Variants in NGLY1 observed in about 807,000 individuals in gnomAD.
NGLY1 encodes N-glycanase 1.
NGLY1 carries 68 observed loss-of-function variants against 84.6 expected under a neutral mutation model. The ratio of observed to expected loss-of-function variants is 0.80; its 90% CI spans 0.66 to 0.98. The LOEUF (loss-of-function observed/expected upper bound fraction) is 0.98. NGLY1 is among the 50% of genes least tolerant of loss of function. The probability of loss-of-function intolerance (pLI) is 0.00; values close to 1 mark genes in which losing one functional copy is unlikely to be tolerated. For missense variants in NGLY1, 779 were observed against 770.2 expected, an observed-to-expected ratio of 1.01 and a Z score of -0.14; for synonymous variants, 280 against 275.2, an observed-to-expected ratio of 1.02 and a Z score of -0.17.
At chr3:25,780,500 C>T (rs550621688) in intron 1 of NGLY1, among the ~76,000 whole-genome samples, 41 of 152,306 alleles carry the variant, frequency 2.7e-4, no homozygotes, top group African/African-American at 9.6e-4. Flanking sequence ...TTAATCTATT[C>T]TTTTCCTCAC....
intron 10 of NGLY1, among the ~76,000 whole-genome samples, chr3:25,720,601 T>C (rs931910752): frequency 1.5e-4 from 23 of 152,212 alleles, no homozygotes; most frequent in African/African-American, 5.3e-4. Context: ...TACGCTTTCC[T>C]AGTGTGACAT....
At position 25,783,066 on chromosome 3, in the gene NGLY1, G is replaced by A; in HGVS notation, c.131+194C>T. 2 of 544,786 alleles carry A rather than the reference G, an allele frequency of 3.7e-6. No individual in the cohort carries two copies. The highest frequency in any genetic ancestry group is 4.9e-4 in the Middle Eastern group (1 of 2,054). The allele number at this position is 544,786 out of a possible 1,614,324, so 33.7% of individuals were successfully genotyped here. A position where few individuals can be genotyped will look rare whatever the true frequency, so the allele number is the denominator to read the frequency against. On this transcript the variant is annotated intron_variant, in intron 1 of 11. Transcript: ENST00000280700. This position sits in a 1 kb window ranked among gnomAD's most constrained non-coding sequence, Gnocchi z 4.5. ...AAAGAAACTTCCTTTTCTCGAGCGG[G>A]GGTGGGACTTGGCCGGGTCCCGAGG...
rs1296526275 is a variant in NGLY1 at position 25,735,661 on chromosome 3, T to G, written c.1149+343A>C. 4.1e-5 allele frequency: 7 copies of G among 171,740 alleles called. No homozygotes were observed. In the South Asian group the frequency reaches 1.1e-3, roughly 27 times the overall value. The allele number at this position is 171,740 out of a possible 1,614,324, so 10.6% of individuals were successfully genotyped here. ...AGTTGTATGTATATCTACCATATAA[T>G]GCAGCCATTCTACTCCTAGGCATTA... On this transcript the variant is annotated intron_variant, in intron 7 of 11. Transcript: ENST00000280700.
rs576347248 is a variant in NGLY1 at position 25,762,043 on chromosome 3, A to T, written c.492+2023T>A. Among the ~76,000 whole-genome samples, 10 of 152,284 alleles carry T rather than the reference A, an allele frequency of 6.6e-5. No homozygotes were observed. The East Asian group carries it at 1.9e-3, about 29-fold the overall frequency. On this transcript the variant is annotated intron_variant, in intron 3 of 11. Transcript: ENST00000280700. The stretch of plus-strand genomic sequence containing the variant: ...TCACCACCACTATCATCATTTATTG[A>T]GTATCAATATATTCCAGTATTTTGT...
At position 25,768,977 on chromosome 3, in the gene NGLY1, T is replaced by C. The variant is rs143312155; in HGVS notation, c.247-4666A>G. Among the ~76,000 whole-genome samples the C allele has an allele frequency of 2.7e-3, 413 of 152,214 alleles. 2 individuals are homozygous for C. Among genetic ancestry groups the C allele is most frequent in the African/African-American group, 8.9e-3 (371 of 41,528 alleles). Reference sequence around the variant, plus strand: ...ACACTAGAAAGTGAAAGAAAATATGTGCAAACTATTCAAATGACAAGGGAT... The same window carrying C: ...ACACTAGAAAGTGAAAGAAAATATGCGCAAACTATTCAAATGACAAGGGAT... On this transcript the variant is annotated intron_variant, in intron 2 of 11. Transcript: ENST00000280700.
At chr3:25,776,045 T>C (rs1367426281) in intron 2 of NGLY1, among the ~76,000 whole-genome samples, 1 of 152,222 alleles carries the variant, frequency 6.6e-6, no homozygotes, top group Non-Finnish European at 1.5e-5. Context: ...GTTCAAGTCC[T>C]GAGGTGTGAT....
intron 2 of NGLY1, among the ~76,000 whole-genome samples, chr3:25,777,118 G>A (rs1257828173): frequency 2.0e-5 from 3 of 152,116 alleles, no homozygotes; most frequent in Non-Finnish European, 2.9e-5. Flanking sequence ...TTTCCAGGCT[G>A]GGCACGGCGG....
At chr3:25,755,281 C>G in intron 3 of NGLY1, 1 of 1,366,646 alleles carries the variant, frequency 7.3e-7, no homozygotes, top group Admixed American at 1.7e-5. Flanking sequence ...CTGATAGATA[C>G]TGCTTAACAG....
At chr3:25,773,644 C>T (rs1024345572) in intron 2 of NGLY1, among the ~76,000 whole-genome samples, 1 of 152,018 alleles carries the variant, frequency 6.6e-6, no homozygotes, top group African/African-American at 2.4e-5. Context: ...GGTTTGGATC[C>T]ATTGCTACTA....
At chr3:25,785,990 A>G (rs1337307434), upstream of NGLY1, among the ~76,000 whole-genome samples, 1 of 152,228 alleles carries the variant, frequency 6.6e-6, no homozygotes, top group Non-Finnish European at 1.5e-5. Flanking sequence ...GGTACTGAAT[A>G]GAGTTGTTGG....
At chr3:25,755,187 G>C in intron 3 of NGLY1, 2 of 1,312,304 alleles carry the variant, frequency 1.5e-6, no homozygotes, top group Non-Finnish European at 2.2e-6. Flanking sequence ...CTTCCCCCAA[G>C]AGGTTTCTTA....
intron 7 of NGLY1, chr3:25,735,445 T>C (rs926032576): frequency 9.9e-5 from 15 of 152,166 alleles, no homozygotes; most frequent in Non-Finnish European, 1.5e-5. Flanking sequence ...TCAGTATTAT[T>C]TGTCATTAGG....
chr3:25,786,309 C>T (rs979818457), upstream of NGLY1, among the ~76,000 whole-genome samples: 13 of 148,682 alleles, frequency 8.7e-5, no homozygotes, highest in African/African-American at 2.7e-4. Flanking sequence ...GGTGACAGAG[C>T]GGGACTCTAC....
chr3:25,765,622 C>T (rs1707525845), intron 2 of NGLY1, among the ~76,000 whole-genome samples: 1 of 152,148 alleles, frequency 6.6e-6, no homozygotes, highest in African/African-American at 2.4e-5. Flanking sequence ...AAAGTCAATT[C>T]CATCTGAATC....
At chr3:25,773,991 A>G (rs1215815287) in intron 2 of NGLY1, among the ~76,000 whole-genome samples, 1 of 152,170 alleles carries the variant, frequency 6.6e-6, no homozygotes, top group Non-Finnish European at 1.5e-5. Flanking sequence ...TCAGCCATAG[A>G]TACCAGTACC....
chr3:25,725,490 T>C (rs1158483754), intron 10 of NGLY1, among the ~76,000 whole-genome samples: 1 of 152,186 alleles, frequency 6.6e-6, no homozygotes, highest in Non-Finnish European at 1.5e-5. Flanking sequence ...ACCTGATTTA[T>C]AGCCAGTTGG....
upstream of NGLY1, among the ~76,000 whole-genome samples, chr3:25,786,441 A>G (rs1708605027): frequency 1.3e-5 from 2 of 152,182 alleles, no homozygotes; most frequent in South Asian, 2.1e-4. Flanking sequence ...TAAATAAAAG[A>G]ACAAGAATTT....
intron 3 of NGLY1, among the ~76,000 whole-genome samples, chr3:25,757,227 A>G (rs566154290): frequency 6.6e-6 from 1 of 152,314 alleles, no homozygotes; most frequent in East Asian, 1.9e-4. Context: ...AGACCTGATC[A>G]ACTTCATAGG....
At chr3:25,789,270 T>G (rs1708670230) in intron 1 of NGLY1, among the ~76,000 whole-genome samples, 2 of 152,162 alleles carry the variant, frequency 1.3e-5, no homozygotes, top group Non-Finnish European at 2.9e-5. Flanking sequence ...TTTTGAGCAC[T>G]GTCTCAAATC....
Sources: allele counts gnomAD v4.1 joint callset (sites outside exome capture counted in the v4.1 genomes callset), GRCh38; gene constraint gnomAD v4.1.1; non-coding constraint Gnocchi (gnomAD v3.1); transcripts MANE v1.5; gene names NCBI Gene and HGNC (gene_info 2026-07-23, HGNC 2026-07-21).